The following STARD13 variants were observed in gnomAD, a reference collection of about 807,000 sequenced individuals.
STARD13 encodes StAR related lipid transfer domain containing 13, also known as stAR-related lipid transfer protein 13.
STARD13 carries 62 observed loss-of-function variants against 106.4 expected under a neutral mutation model. The ratio of observed to expected loss-of-function variants is 0.58; its 90% CI spans 0.48 to 0.72. STARD13 has a LOEUF of 0.72. STARD13 is among the 30% of genes least tolerant of loss of function. The pLI, the probability that STARD13 is intolerant of heterozygous loss-of-function variation, is 0.00. For missense variants in STARD13, 1,387 were observed against 1,424.0 expected, an observed-to-expected ratio of 0.97 and a Z score of 0.42; for synonymous variants, 565 against 553.0, an observed-to-expected ratio of 1.02 and a Z score of -0.31.
intron 1 of STARD13, among the ~76,000 whole-genome samples, chr13:33,241,692 C>T (rs562551139): frequency 4.6e-5 from 7 of 152,172 alleles, no homozygotes; most frequent in Non-Finnish European, 7.4e-5. Context: ...AGGCGCGCGC[C>T]GCCACGCCTG....
At chr13:33,392,206 C>T in the STARD13 span, among the ~76,000 whole-genome samples, 301 of 152,234 alleles carry the variant, frequency 2.0e-3, no homozygotes, top group Non-Finnish European at 3.1e-3. Context: ...TTTCTTGCAA[C>T]CTTGTTGTGT....
chr13:33,282,811 G>A (rs1261309737), intron 1 of STARD13, among the ~76,000 whole-genome samples: 1 of 152,108 alleles, frequency 6.6e-6, no homozygotes, highest in Admixed American at 6.5e-5. Flanking sequence ...AAGATCACTT[G>A]AGCCCAGGAG....
chr13:33,561,068 A>G, the STARD13 span, among the ~76,000 whole-genome samples: 12 of 151,546 alleles, frequency 7.9e-5, no homozygotes, highest in Admixed American at 5.2e-4. Flanking sequence ...AATCTTGTCT[A>G]TGTTACTTCT....
At chr13:33,360,962 ATT>A in the STARD13 span, among the ~76,000 whole-genome samples, 1,614 of 115,896 alleles carry the variant, frequency 0.014, 16 homozygotes, top group African/African-American at 0.027. Flanking sequence ...CGCCCGGCTA[ATT>A]TTTTTTTTTT....
chr13:33,228,968 T>A (rs1380877581), intron 1 of STARD13, among the ~76,000 whole-genome samples: 1 of 152,158 alleles, frequency 6.6e-6, no homozygotes, highest in Non-Finnish European at 1.5e-5. Context: ...AAACTACTCA[T>A]ATGTAACCAC....
At chr13:33,570,178 G>C in the STARD13 span, among the ~76,000 whole-genome samples, 1 of 147,846 alleles carries the variant, frequency 6.8e-6, no homozygotes, top group Non-Finnish European at 1.5e-5. Context: ...ATTTAAAGCT[G>C]GGCTTCCATG....
At chr13:33,622,425 G>A in the STARD13 span, among the ~76,000 whole-genome samples, 7 of 151,884 alleles carry the variant, frequency 4.6e-5, no homozygotes, top group African/African-American at 1.7e-4. Context: ...ATCATTTGAG[G>A]TCAGGAGCTC....
chr13:33,667,287 C>T, the STARD13 span, among the ~76,000 whole-genome samples: 1 of 152,196 alleles, frequency 6.6e-6, no homozygotes, highest in Non-Finnish European at 1.5e-5. Context: ...CTTTACCCTC[C>T]ATGGTAGGGA....
the STARD13 span, among the ~76,000 whole-genome samples, chr13:33,464,239 G>T: frequency 1.3e-5 from 2 of 151,740 alleles, no homozygotes; most frequent in Admixed American, 6.6e-5. Context: ...GATGGATAAA[G>T]GGTATTTTAT....
intron 1 of STARD13, among the ~76,000 whole-genome samples, chr13:33,334,759 G>A (rs1157852282): frequency 1.3e-5 from 2 of 152,166 alleles, no homozygotes; most frequent in Non-Finnish European, 2.9e-5. Flanking sequence ...ATAGAGTTTA[G>A]AGCCATTTCC....
At chr13:33,494,247 T>C in the STARD13 span, among the ~76,000 whole-genome samples, 2 of 152,118 alleles carry the variant, frequency 1.3e-5, no homozygotes, top group Admixed American at 6.6e-5. Flanking sequence ...GTATCCCCTT[T>C]CTGATGTTAT....
At chr13:33,262,500 C>A (rs1473492794) in intron 1 of STARD13, among the ~76,000 whole-genome samples, 1 of 152,130 alleles carries the variant, frequency 6.6e-6, no homozygotes. Flanking sequence ...ATGATTCGAA[C>A]TTTCTGGGGT....
chr13:33,458,777 G>T, the STARD13 span, among the ~76,000 whole-genome samples: 1 of 151,116 alleles, frequency 6.6e-6, no homozygotes. Context: ...CTTCCTCTGG[G>T]CGCTTCTGAG....
upstream of STARD13, among the ~76,000 whole-genome samples, chr13:33,352,168 T>C (rs2078085101): frequency 6.6e-6 from 1 of 152,200 alleles, no homozygotes; most frequent in Non-Finnish European, 1.5e-5. Flanking sequence ...GCCGGTTATA[T>C]AGACTAATCC....
chr13:33,569,622 A>G, the STARD13 span, among the ~76,000 whole-genome samples: 2 of 147,540 alleles, frequency 1.4e-5, no homozygotes, highest in South Asian at 4.3e-4. Context: ...TAACATCTCA[A>G]TCAGAAGAAA....
chr13:33,125,913 CAT>C (rs1306055947), intron 7 of STARD13, among the ~76,000 whole-genome samples, 166 bp downstream of exon 7: 1 of 115,870 alleles, frequency 8.6e-6, no homozygotes, highest in African/African-American at 2.6e-5. Context: ...TCAAATAGGA[CAT>C]GTCTTGTTCA....
At chr13:33,374,649 A>T in the STARD13 span, among the ~76,000 whole-genome samples, 2 of 152,188 alleles carry the variant, frequency 1.3e-5, no homozygotes, top group Non-Finnish European at 2.9e-5. Flanking sequence ...TGGAGTATAT[A>T]GTTGCTGGAG....
the STARD13 span, among the ~76,000 whole-genome samples, chr13:33,643,621 C>T: frequency 1.2e-4 from 18 of 152,392 alleles, no homozygotes; most frequent in South Asian, 4.1e-4. Flanking sequence ...ACTCTCCTGT[C>T]GCACACCCGG....
chr13:33,526,291 A>G, the STARD13 span, among the ~76,000 whole-genome samples: 3 of 152,056 alleles, frequency 2.0e-5, no homozygotes, highest in Admixed American at 6.6e-5. Flanking sequence ...TTTTGCAGCC[A>G]TATTCATTTA....
Sources: gnomAD v4.1 joint callset for allele counts (sites outside exome capture counted in the v4.1 genomes callset) on GRCh38, gnomAD v4.1.1 for gene constraint, MANE v1.5 for transcripts, NCBI Gene and HGNC (gene_info 2026-07-23, HGNC 2026-07-21) for gene names.